Variants in CSPP1 observed in about 807,000 individuals in gnomAD.
CSPP1 encodes centrosome and spindle pole associated protein 1.
Under a neutral mutation model 164.4 loss-of-function variants are expected in CSPP1, and 126 were observed. The ratio of observed to expected loss-of-function variants is 0.77; its 90% CI spans 0.66 to 0.89. The LOEUF (loss-of-function observed/expected upper bound fraction) is 0.89, where lower values mean the gene tolerates loss of function less well. CSPP1 is among the 40% of genes least tolerant of loss of function. The pLI is 0.00. For missense variants in CSPP1, 1,395 were observed against 1,449.8 expected (o/e 0.96, Z 0.61); for synonymous variants, 472 against 476.7 (o/e 0.99, Z 0.13).
intron 29 of CSPP1, among the ~76,000 whole-genome samples, chr8:67,191,478 T>C (rs898370046): frequency 6.6e-6 from 1 of 152,228 alleles, no homozygotes; most frequent in Non-Finnish European, 1.5e-5. Flanking sequence ...CCAGTCTACT[T>C]TGGTTTCTAT....
intron 18 of CSPP1, among the ~76,000 whole-genome samples, chr8:67,151,210 C>A (rs949315706): frequency 6.6e-6 from 1 of 152,108 alleles, no homozygotes; most frequent in Non-Finnish European, 1.5e-5. Context: ...TTTCTTTGTT[C>A]TACAATATAT....
At chr8:67,141,904 T>C (rs1823591776) in intron 17 of CSPP1, among the ~76,000 whole-genome samples, 1 of 152,232 alleles carries the variant, frequency 6.6e-6, no homozygotes, top group South Asian at 2.1e-4. Flanking sequence ...TAACGTCTGT[T>C]CATTATCTTG....
Position 67,195,195 on chromosome 8 carries a change from C to T in CSPP1, c.3470-187C>T, listed in dbSNP as rs2290586. Among the ~76,000 whole-genome samples, 248 of 152,146 alleles carry T rather than the reference C, an allele frequency of 1.6e-3. 4 individuals carry two copies. The highest frequency in any genetic ancestry group is 2.0e-3 in the Non-Finnish European group (136 of 68,022). ...TTTACAAAATTGGCCTTTGTGGGCC[C>T]ACTCTCCTCCCTCTAAAATAGGGTG... On this transcript the variant is annotated intron_variant, in intron 30 of 30. Coordinates refer to ENST00000678616, the MANE Select transcript of CSPP1 (RefSeq NM_001382391.1).
intron 9 of CSPP1, among the ~76,000 whole-genome samples, chr8:67,107,374 T>G (rs564797999): frequency 1.3e-3 from 203 of 152,276 alleles, no homozygotes; most frequent in African/African-American, 4.7e-3. Flanking sequence ...CATGGTAAAA[T>G]AAGAGAAATG....
At chr8:67,173,564 A>G (rs887983533) in intron 25 of CSPP1, 1 of 152,178 alleles carries the variant, frequency 6.6e-6, no homozygotes, top group East Asian at 1.9e-4. Flanking sequence ...ATACAGAAAG[A>G]TAGTAAGAAG....
At chr8:67,177,817 AT>A in intron 27 of CSPP1, 91 bp downstream of exon 27, 1 of 889,014 alleles carries the variant, frequency 1.1e-6, no homozygotes, top group Non-Finnish European at 1.9e-6. Flanking sequence ...ATTTTGAATT[AT>A]TCAGGAATAT....
chr8:67,122,569 A>G (rs1009160606), intron 15 of CSPP1, among the ~76,000 whole-genome samples: 1 of 152,234 alleles, frequency 6.6e-6, no homozygotes, highest in South Asian at 2.1e-4. Flanking sequence ...CATGTCTAAT[A>G]TAATTACATT....
chr8:67,116,994 G>A (rs1041569219), intron 13 of CSPP1, among the ~76,000 whole-genome samples: 1 of 152,140 alleles, frequency 6.6e-6, no homozygotes, highest in African/African-American at 2.4e-5. Flanking sequence ...GGAATTAACA[G>A]AGCATTTTAT....
intron 7 of CSPP1, chr8:67,099,427 A>T (rs1420809599): frequency 6.6e-6 from 1 of 152,140 alleles, no homozygotes; most frequent in African/African-American, 2.4e-5. Flanking sequence ...TCACAAGGAT[A>T]GTCTTAATCT....
At chr8:67,190,530 C>T (rs1414473630) in intron 28 of CSPP1, 120 bp from the exon 29 acceptor site, 1 of 710,976 alleles carries the variant, frequency 1.4e-6, no homozygotes, top group African/African-American at 1.7e-5. Flanking sequence ...TATGTACATA[C>T]ATTGAGTGTG....
chr8:67,076,723 T>C (rs1807997491), intron 3 of CSPP1, 142 bp downstream of exon 3: 1 of 494,206 alleles, frequency 2.0e-6, no homozygotes, highest in South Asian at 3.1e-5. Context: ...CAATATGGTC[T>C]ACATATGAAA....
chr8:67,140,321 G>A (rs1475742008), intron 17 of CSPP1, among the ~76,000 whole-genome samples: 4 of 152,142 alleles, frequency 2.6e-5, no homozygotes, highest in Non-Finnish European at 5.9e-5. Flanking sequence ...CTGACCTCAG[G>A]TGTCCCACCC....
chr8:67,116,882 G>T (rs2129551063), intron 13 of CSPP1, among the ~76,000 whole-genome samples: 1 of 152,208 alleles, frequency 6.6e-6, no homozygotes, highest in Non-Finnish European at 1.5e-5. Flanking sequence ...GTAGAAGTTG[G>T]TCTTTTAGTT....
At chr8:67,134,450 G>A (rs1299213413) in intron 16 of CSPP1, 2 of 151,556 alleles carry the variant, frequency 1.3e-5, no homozygotes, top group African/African-American at 4.9e-5. Flanking sequence ...TCTCAACAGT[G>A]GACTTAAAAT....
chr8:67,152,741 A>G (rs1261840325), intron 18 of CSPP1, among the ~76,000 whole-genome samples: 1 of 152,224 alleles, frequency 6.6e-6, no homozygotes, highest in Non-Finnish European at 1.5e-5. Context: ...TTCAGTGGGA[A>G]AATTTTCTAG....
intron 7 of CSPP1, among the ~76,000 whole-genome samples, chr8:67,097,504 A>T (rs770452176): frequency 1.3e-5 from 2 of 152,178 alleles, no homozygotes; most frequent in Non-Finnish European, 2.9e-5. Flanking sequence ...TATGTAAGGT[A>T]ATTAAAGGCT....
At chr8:67,169,032 A>G (rs757187273) in intron 24 of CSPP1, among the ~76,000 whole-genome samples, 1 of 152,134 alleles carries the variant, frequency 6.6e-6, no homozygotes, top group Non-Finnish European at 1.5e-5. Context: ...GGGAAACTCC[A>G]TTAGAGCAGG....
chr8:67,086,272 G>GA (rs1563516069), intron 4 of CSPP1, 162 bp downstream of exon 4: 12 of 713,512 alleles, frequency 1.7e-5, no homozygotes, highest in Non-Finnish European at 2.6e-6. Context: ...CATTGGTAGA[G>GA]AAAAAAATAT....
rs1217657615 is a variant in CSPP1, at chr8:67,195,858, G to A, written c.*265G>A. Reference sequence around the variant, plus strand: ...AATGAACTGGATTGAACTACTATATGTGCATTATATTGAATTCTGCTTGTC... The same window carrying A: ...AATGAACTGGATTGAACTACTATATATGCATTATATTGAATTCTGCTTGTC... On this transcript the variant is annotated 3_prime_UTR_variant, in exon 31 of 31. Transcript: ENST00000678616. The A allele has an allele frequency of 2.7e-6, 1 of 376,594 alleles. No individual in the cohort carries two copies. Among genetic ancestry groups the A allele is most frequent in the Middle Eastern group, 7.7e-4 (1 of 1,298 alleles). The allele number at this position is 376,594 out of a possible 1,614,324, so 23.3% of individuals were successfully genotyped here.
Sources: allele counts gnomAD v4.1 joint callset (sites outside exome capture counted in the v4.1 genomes callset), GRCh38; gene constraint gnomAD v4.1.1; transcripts MANE v1.5; gene names NCBI Gene and HGNC (gene_info 2026-07-23, HGNC 2026-07-21).